FIBCD1: variants seen among roughly 807,000 people sequenced by gnomAD.
The protein encoded by FIBCD1 is fibrinogen C domain containing 1.
A neutral mutation model predicts 45.1 loss-of-function variants in FIBCD1; 47 were observed. The observed-to-expected ratio is 1.04, with a 90% CI of 0.82 to 1.33. The LOEUF (loss-of-function observed/expected upper bound fraction) is 1.33. FIBCD1 is among the 40% of genes most tolerant of loss of function. FIBCD1 has a pLI of 0.00. For missense variants in FIBCD1, 653 were observed against 682.2 expected (o/e 0.96, Z 0.48); for synonymous variants, 313 against 308.1 (o/e 1.02, Z -0.17).
At position 130,924,290 on chromosome 9, in the gene FIBCD1, G is replaced by A; in HGVS notation, c.659C>T (p.Ala220Val). 6.2e-7 allele frequency: 1 copy of A among 1,603,848 alleles called. No individual in the cohort carries two copies. The highest frequency in any genetic ancestry group is 8.5e-7 in the Non-Finnish European group (1 of 1,176,776). ...DRGLGRPRNK[A>V]DLQRAPARGT... ...CCGGGCAGGCGCTCTCTGAAGGTCGGCCTTGTTGCGGGGCCGGCCCAGCCC... is the reference window on the plus strand; with the variant it reads ...CCGGGCAGGCGCTCTCTGAAGGTCGACCTTGTTGCGGGGCCGGCCCAGCCC... The change falls in exon 3 of 7, where the codon GCC becomes GTC. Residue 220 changes from alanine (A) to valine (V), a missense_variant. By Grantham distance (64) the Ala-to-Val change is moderately conservative. Coordinates refer to ENST00000372338, the MANE Select transcript of FIBCD1 (RefSeq NM_032843.5).
chr9:130,919,332 C>T (rs1325809319), intron 4 of FIBCD1, among the ~76,000 whole-genome samples: 1 of 152,194 alleles, frequency 6.6e-6, no homozygotes, highest in Non-Finnish European at 1.5e-5. Context: ...GTGGGCCAGG[C>T]AGTAGCGTGG....
intron 4 of FIBCD1, among the ~76,000 whole-genome samples, chr9:130,916,345 TG>T (rs1406460629): frequency 4.6e-5 from 7 of 152,368 alleles, no homozygotes; most frequent in Middle Eastern, 3.4e-3. Context: ...GCCCGCAGTT[TG>T]GGAACCACTG....
At chr9:130,914,365 C>T (rs1832118967) in intron 4 of FIBCD1, among the ~76,000 whole-genome samples, 1 of 152,242 alleles carries the variant, frequency 6.6e-6, no homozygotes, top group African/African-American at 2.4e-5. Flanking sequence ...GGCAAAGGAA[C>T]AGAGGAGACA....
chr9:130,932,008 A>T (rs979984769), intron 1 of FIBCD1, among the ~76,000 whole-genome samples: 1 of 152,172 alleles, frequency 6.6e-6, no homozygotes, highest in South Asian at 2.1e-4. Context: ...TCTGGAGGAC[A>T]TTTTTTTCCA....
At chr9:130,911,449 C>A (rs574349272) in intron 5 of FIBCD1, among the ~76,000 whole-genome samples, 219 of 152,318 alleles carry the variant, frequency 1.4e-3, no homozygotes, top group African/African-American at 5.1e-3. Context: ...TGTCCTCCTG[C>A]TGCCTGGGAT....
chr9:130,911,416 C>A (rs1832043851), intron 5 of FIBCD1, among the ~76,000 whole-genome samples: 1 of 152,144 alleles, frequency 6.6e-6, no homozygotes, highest in Non-Finnish European at 1.5e-5. Flanking sequence ...CACCCTTGGG[C>A]AGGGTGGGGC....
Position 130,929,677 on chromosome 9 carries a change from G to T in FIBCD1, c.442C>A (p.Leu148Met). 1 of 1,602,758 alleles carries T rather than the reference G, an allele frequency of 6.2e-7. No individual in the cohort carries two copies. Among genetic ancestry groups the T allele is most frequent in the African/African-American group, 1.3e-5 (1 of 74,832 alleles). ...GTCTGCAGCTCTGAGGCTCGGGCCA[G>T]CAGCCGGGGCAGCTGGTCGGCCAGC... ...DTLADQLPRL[L>M]ARASELQTEC... Residue 148 changes from leucine to methionine, a missense_variant, in exon 2 of 7, where the codon CTG becomes ATG. By Grantham distance (15) the Leu-to-Met change is conservative. Transcript: ENST00000372338.
rs1196023222 is a variant in FIBCD1 at position 130,930,055 on chromosome 9, C to T, written c.73-9G>A. ...TAGCCGCAGCTCGGCCGCTGCAGGC[C>T]CGCCCGGGACGCACAGACACAGACA... On this transcript the variant is annotated splice_polypyrimidine_tract_variant and intron_variant, in intron 1 of 6. Coordinates refer to ENST00000372338, the MANE Select transcript of FIBCD1 (RefSeq NM_032843.5). 6.7e-7 allele frequency: 1 copy of T among 1,498,616 alleles called. No individual in the cohort carries two copies. Among genetic ancestry groups the T allele is most frequent in the East Asian group, 2.3e-5 (1 of 43,042 alleles). 92.8% of individuals were successfully genotyped at this position (1,498,616 alleles called of 1,614,324 possible).
chr9:130,902,506 C>T lies in FIBCD1; in HGVS notation c.*1558G>A, dbSNP rs1831853563. ...GGTCACACGGCCTCTCCCACCAACC[C>T]CCAGTGGTGCCAAGTCAAATTTATT... is the stretch of plus-strand genomic sequence containing the variant. On this transcript the variant is annotated 3_prime_UTR_variant, in exon 7 of 7. Transcript: ENST00000372338. 6.6e-6 allele frequency: 1 copy of T among 152,290 alleles called. No homozygotes were observed. The highest frequency in any genetic ancestry group is 6.5e-5 in the Admixed American group (1 of 15,292). 9.4% of individuals were successfully genotyped at this position (152,290 alleles called of 1,614,324 possible). A position where few individuals can be genotyped will look rare whatever the true frequency, so the allele number is the denominator to read the frequency against.
At position 130,930,147 on chromosome 9, in the gene FIBCD1, G is replaced by T. The variant is rs529993739; in HGVS notation, c.73-101C>A. The T allele has an allele frequency of 3.6e-5, 50 of 1,402,414 alleles. No homozygotes were observed. In the African/African-American group the frequency reaches 6.5e-4, roughly 18 times the overall value. 86.9% of individuals were successfully genotyped at this position (1,402,414 alleles called of 1,614,324 possible). A position where few individuals can be genotyped will look rare whatever the true frequency, so the allele number is the denominator to read the frequency against. On this transcript the variant is annotated intron_variant, in intron 1 of 6. Coordinates refer to ENST00000372338, the MANE Select transcript of FIBCD1 (RefSeq NM_032843.5). ...TGGGGTCAGAGGACCCCCTTCTTGG[G>T]GGGCTGGGCAAGGGCGTGGCACAGA...
Position 130,929,962 on chromosome 9 carries a change from A to C in FIBCD1, c.157T>G (p.Phe53Val). 6.5e-7 allele frequency: 1 copy of C among 1,549,358 alleles called. No individual in the cohort carries two copies. Among genetic ancestry groups the C allele is most frequent in the Non-Finnish European group, 8.7e-7 (1 of 1,146,390 alleles). ...LAVAVTGAVL[F>V]LNHAHAPGTA... ...CCCGGCGCGTGGGCGTGGTTCAGGA[A>C]GAGCACGGCACCGGTGACAGCTACA... is the stretch of plus-strand genomic sequence containing the variant. The change falls in exon 2 of 7, where the codon TTC (phenylalanine) becomes GTC (valine). Residue 53 changes from phenylalanine to valine, a missense_variant. Transcript: ENST00000372338.
At chr9:130,915,552 A>G in intron 4 of FIBCD1, among the ~76,000 whole-genome samples, 1 of 152,030 alleles carries the variant, frequency 6.6e-6, no homozygotes, top group Non-Finnish European at 1.5e-5. Context: ...AAAATACAAA[A>G]ATTAGCCGGG....
chr9:130,924,426 G>T, intron 2 of FIBCD1, 30 bp from the exon 3 acceptor site: 1 of 1,581,606 alleles, frequency 6.3e-7, no homozygotes, highest in Non-Finnish European at 8.6e-7. Flanking sequence ...AGCCGAGGGG[G>T]CAGGGGCTCT....
At chr9:130,910,947 T>C (rs1832025960) in intron 5 of FIBCD1, among the ~76,000 whole-genome samples, 1 of 152,208 alleles carries the variant, frequency 6.6e-6, no homozygotes, top group Admixed American at 6.5e-5. Flanking sequence ...AACCTTTGTG[T>C]CTAGCTCAGG....
At chr9:130,914,976 G>A (rs1588106846) in intron 4 of FIBCD1, among the ~76,000 whole-genome samples, 1 of 152,262 alleles carries the variant, frequency 6.6e-6, no homozygotes, top group African/African-American at 2.4e-5. Flanking sequence ...ACACTGGCCA[G>A]CGGCCAGGCG....
chr9:130,920,883 C>G (rs947769135), intron 4 of FIBCD1, among the ~76,000 whole-genome samples: 5 of 152,228 alleles, frequency 3.3e-5, no homozygotes, highest in African/African-American at 1.2e-4. Context: ...GCTGAGCTGT[C>G]TCGTCGCTGC....
At chr9:130,923,605 A>G in intron 4 of FIBCD1, 139 bp downstream of exon 4, 3 of 1,332,930 alleles carry the variant, frequency 2.3e-6, no homozygotes, top group Admixed American at 4.2e-5. Context: ...GGCCAGGCAG[A>G]AGGGCACCAG....
intron 4 of FIBCD1, among the ~76,000 whole-genome samples, chr9:130,919,062 A>G (rs897526344): frequency 1.2e-4 from 18 of 152,180 alleles, no homozygotes; most frequent in Admixed American, 2.0e-4. Flanking sequence ...CAGGCTTGGC[A>G]GTCGGCGCCT....
chr9:130,904,446 C>A (rs1006627942), intron 6 of FIBCD1, 123 bp from the exon 7 acceptor site: 8 of 1,392,296 alleles, frequency 5.7e-6, no homozygotes, highest in Non-Finnish European at 4.8e-6. Flanking sequence ...CACGTACGCA[C>A]GTGCTCTCAC....
Sources: allele counts gnomAD v4.1 joint callset (sites outside exome capture counted in the v4.1 genomes callset), GRCh38; gene constraint gnomAD v4.1.1; transcripts MANE v1.5; gene names NCBI Gene and HGNC (gene_info 2026-07-23, HGNC 2026-07-21).